The following TUSC3 variants were observed in gnomAD, a reference collection of about 807,000 sequenced individuals.
The protein encoded by TUSC3 is dolichyl-diphosphooligosaccharide--protein glycosyltransferase subunit TUSC3.
TUSC3 carries 45 observed loss-of-function variants against 44.8 expected under a neutral mutation model. The ratio of observed to expected loss-of-function variants is 1.00; its 90% CI spans 0.79 to 1.29. TUSC3 has a LOEUF of 1.29. TUSC3 is among the 50% of genes most tolerant of loss of function. The pLI, the probability that TUSC3 is intolerant of heterozygous loss-of-function variation, is 0.00. For synonymous variants in TUSC3, 212 were observed against 152.9 expected, an observed-to-expected ratio of 1.39 and a Z score of -2.85; for missense variants, 519 against 437.9, an observed-to-expected ratio of 1.19 and a Z score of -1.65.
At position 15,600,948 on chromosome 8, in the gene TUSC3, GC is replaced by G. The variant is rs376233389; in HGVS notation, c.139-22131del. ...GAGAGCCAATGTGTTCAGATACTGT[GC>G]TAAATACTTTGTATTTAGTTAAAAT... On this transcript the variant is annotated intron_variant, in intron 1 of 10. Transcript: ENST00000503731. Among the ~76,000 whole-genome samples the G allele has an allele frequency of 2.6e-4, 40 of 151,666 alleles. 1 individual carries two copies. In the East Asian group the frequency reaches 5.2e-3, roughly 20 times the overall value.
At chr8:15,423,680 A>T (rs560099222) in intron 1 of TUSC3, among the ~76,000 whole-genome samples, 3 of 152,118 alleles carry the variant, frequency 2.0e-5, no homozygotes, top group African/African-American at 4.8e-5. Context: ...TTCTCTCTTG[A>T]TCCTCCTAAA....
In TUSC3 at chr8:15,638,657, C is replaced by G. The variant is rs114220459; in HGVS notation, c.309-12040C>G. The stretch of plus-strand genomic sequence containing the variant: ...TCCCCTGCTGCAGCCTCCTTAGTAG[C>G]TGGGATTACAGACATGTGGTACCAC... On this transcript the variant is annotated intron_variant, in intron 2 of 10. Coordinates refer to ENST00000503731, the MANE Select transcript of TUSC3 (RefSeq NM_006765.4). Among the ~76,000 whole-genome samples, 1,275 of 151,446 alleles carry G rather than the reference C, an allele frequency of 8.4e-3. 18 individuals are homozygous for G. Among genetic ancestry groups the G allele is most frequent in the African/African-American group, 0.029 (1,180 of 41,262 alleles).
chr8:15,633,973 T>C (rs11995462), intron 2 of TUSC3, among the ~76,000 whole-genome samples: 7,244 of 152,232 alleles, frequency 0.048, 293 homozygotes, highest in East Asian at 0.12. Context: ...AATATCCCTC[T>C]GGGTCAGCTC....
intron 9 of TUSC3, among the ~76,000 whole-genome samples, chr8:15,751,376 A>G (rs1044100627): frequency 9.2e-5 from 14 of 152,262 alleles, no homozygotes; most frequent in Admixed American, 7.2e-4. Context: ...TCTTGCTCCA[A>G]TCCTTCCACT....
chr8:15,615,441 G>C (rs1005368160), intron 1 of TUSC3, among the ~76,000 whole-genome samples: 1 of 152,164 alleles, frequency 6.6e-6, no homozygotes, highest in Non-Finnish European at 1.5e-5. Context: ...GAAGTAGAGA[G>C]TAGAATTACA....
intron 1 of TUSC3, among the ~76,000 whole-genome samples, chr8:15,543,407 C>T (rs1054315084): frequency 2.6e-5 from 4 of 152,006 alleles, no homozygotes; most frequent in African/African-American, 9.7e-5. Flanking sequence ...GTAATACCAC[C>T]ATGGATGGAT....
the TUSC3 span, among the ~76,000 whole-genome samples, chr8:15,848,799 C>T: frequency 6.6e-6 from 1 of 152,188 alleles, no homozygotes; most frequent in South Asian, 2.1e-4. Context: ...AAAATAACTT[C>T]TTTGGGACCA....
At chr8:15,645,231 C>G (rs945282085) in intron 2 of TUSC3, among the ~76,000 whole-genome samples, 1 of 152,050 alleles carries the variant, frequency 6.6e-6, no homozygotes, top group Non-Finnish European at 1.5e-5. Context: ...ACAATAAAAG[C>G]TGGGTCCTAT....
At chr8:15,418,382 T>A (rs1379544146) in intron 1 of TUSC3, among the ~76,000 whole-genome samples, 1 of 152,188 alleles carries the variant, frequency 6.6e-6, no homozygotes, top group Admixed American at 6.5e-5. Flanking sequence ...ATTTTTTATC[T>A]GCCAGAAACT....
intron 6 of TUSC3, among the ~76,000 whole-genome samples, chr8:15,723,884 C>G (rs1810399325): frequency 6.6e-6 from 1 of 152,058 alleles, no homozygotes; most frequent in Admixed American, 6.6e-5. Flanking sequence ...GACTACATTC[C>G]CACTAGCTGA....
chr8:15,535,196 C>G (rs1010321695), intron 2 of TUSC3, among the ~76,000 whole-genome samples: 1 of 152,128 alleles, frequency 6.6e-6, no homozygotes, highest in Admixed American at 6.6e-5. Flanking sequence ...GAAATTAATT[C>G]TTGTAAAACC....
chr8:15,744,320 G>C (rs1811315277), intron 8 of TUSC3, among the ~76,000 whole-genome samples: 1 of 152,126 alleles, frequency 6.6e-6, no homozygotes, highest in Non-Finnish European at 1.5e-5. Flanking sequence ...AGAACACACA[G>C]GGAAAATGTG....
intron 1 of TUSC3, among the ~76,000 whole-genome samples, chr8:15,435,406 T>A (rs1799933299): frequency 6.6e-6 from 1 of 152,170 alleles, no homozygotes; most frequent in Admixed American, 6.5e-5. Context: ...GGCTTGAAAA[T>A]TTTTTTGATT....
At chr8:15,498,725 A>G (rs7820988) in intron 2 of TUSC3, among the ~76,000 whole-genome samples, 1 of 151,952 alleles carries the variant, frequency 6.6e-6, no homozygotes, top group Admixed American at 6.6e-5. Flanking sequence ...AATGCATTCC[A>G]GTTTTGTTTG....
At chr8:15,500,066 A>T (rs1191835129) in intron 2 of TUSC3, among the ~76,000 whole-genome samples, 1 of 152,166 alleles carries the variant, frequency 6.6e-6, no homozygotes, top group African/African-American at 2.4e-5. Context: ...TCTGGCCATC[A>T]TCATAACCAT....
chr8:15,451,001 G>C (rs1201610619), intron 1 of TUSC3, among the ~76,000 whole-genome samples: 1 of 152,108 alleles, frequency 6.6e-6, no homozygotes, highest in Non-Finnish European at 1.5e-5. Flanking sequence ...TCCTGCCTGA[G>C]AACTGCAGCT....
intron 6 of TUSC3, among the ~76,000 whole-genome samples, chr8:15,695,510 C>G (rs945969760): frequency 7.2e-5 from 11 of 152,044 alleles, no homozygotes; most frequent in African/African-American, 2.4e-4. Flanking sequence ...TGAAAACGGA[C>G]TAATACAGTA....
chr8:15,702,183 T>G (rs1032104506), intron 6 of TUSC3, among the ~76,000 whole-genome samples: 1 of 152,146 alleles, frequency 6.6e-6, no homozygotes, highest in East Asian at 1.9e-4. Context: ...CTCTGGCATT[T>G]ACTCTTAAAA....
intron 6 of TUSC3, among the ~76,000 whole-genome samples, chr8:15,700,498 T>A (rs1177853094): frequency 6.6e-6 from 1 of 152,130 alleles, no homozygotes; most frequent in Non-Finnish European, 1.5e-5. Flanking sequence ...AGGAAAAAAA[T>A]TAAATTTCTT....
Sources: allele counts gnomAD v4.1 joint callset (sites outside exome capture counted in the v4.1 genomes callset), GRCh38; gene constraint gnomAD v4.1.1; transcripts MANE v1.5; gene names NCBI Gene and HGNC (gene_info 2026-07-23, HGNC 2026-07-21).